Variants in INTS3 observed in about 807,000 individuals in gnomAD.
INTS3 encodes the protein SOSS complex subunit A.
In INTS3, 34 loss-of-function variants were observed where a neutral mutation model predicts 146.3. That is an observed-to-expected ratio of 0.23 (90% CI 0.18 to 0.31). The LOEUF is 0.31. Ranked by LOEUF, INTS3 falls within the 10% of genes least tolerant of loss-of-function variation. The pLI is 1.00. For missense variants in INTS3, 757 were observed against 1,304.2 expected (o/e 0.58, Z 6.46); for synonymous variants, 475 against 494.9 (o/e 0.96, Z 0.53).
At chr1:153,742,144 T>C (rs1034472831) in intron 3 of INTS3, among the ~76,000 whole-genome samples, 4 of 152,182 alleles carry the variant, frequency 2.6e-5, no homozygotes, top group African/African-American at 9.7e-5. Context: ...TTTATGGGCA[T>C]GGGAAACTGA....
chr1:153,769,112 G>A, intron 22 of INTS3, 151 bp downstream of exon 22: 1 of 660,604 alleles, frequency 1.5e-6, no homozygotes, highest in Admixed American at 2.7e-5. Flanking sequence ...TTCAGCCATG[G>A]GGCCTGGGAA....
At chr1:153,763,956 G>T in intron 17 of INTS3, 70 bp downstream of exon 17, 1 of 1,477,402 alleles carries the variant, frequency 6.8e-7, no homozygotes, top group Non-Finnish European at 9.5e-7. Flanking sequence ...TCCCAGGGAA[G>T]ACAACTCACT....
At chr1:153,759,899 C>T (rs1570870268) in intron 11 of INTS3, 1 of 516,376 alleles carries the variant, frequency 1.9e-6, no homozygotes, top group African/African-American at 1.9e-5. Flanking sequence ...CTTCTCCTCA[C>T]CTATTACTTC....
At position 153,746,964 on chromosome 1, in the gene INTS3, G is replaced by A. The variant is rs1249629900; in HGVS notation, c.326G>A (p.Arg109Gln). ...TEPAQAQKCY[R>Q]DLALVSRDGM... ...AAACTTTACTTCTCACAGTGTTACC[G>A]GGACTTAGCTCTGGTGAGTCGTGAT... The change falls in exon 4 of 30, where the codon CGG becomes CAG. Residue 109 changes from arginine to glutamine, a missense_variant. Coordinates refer to ENST00000318967, the MANE Select transcript of INTS3 (RefSeq NM_023015.5). 20 of 1,611,240 alleles carry A rather than the reference G, an allele frequency of 1.2e-5. No individual in the cohort carries two copies. Among genetic ancestry groups the A allele is most frequent in the Non-Finnish European group, 1.4e-5 (17 of 1,177,622 alleles).
In INTS3 at chr1:153,728,569, G is replaced by A; in HGVS notation, c.-66G>A. Reference sequence around the variant, plus strand: ...GCCCCCCAGTCCCTGGCAATCCAGAGATCCCGATATCTAGGACTGTCCATC... The same window carrying A: ...GCCCCCCAGTCCCTGGCAATCCAGAAATCCCGATATCTAGGACTGTCCATC... On this transcript the variant is annotated 5_prime_UTR_variant, in exon 1 of 30. Transcript: ENST00000318967. 6.6e-7 allele frequency: 1 copy of A among 1,509,248 alleles called. No homozygotes were observed. The highest frequency in any genetic ancestry group is 1.3e-5 in the South Asian group (1 of 77,932). 93.5% of individuals were successfully genotyped at this position (1,509,248 alleles called of 1,614,324 possible). A position where few individuals can be genotyped will look rare whatever the true frequency, so the allele number is the denominator to read the frequency against.
chr1:153,732,462 T>TG (rs1671106877), intron 1 of INTS3, among the ~76,000 whole-genome samples: 1 of 152,120 alleles, frequency 6.6e-6, no homozygotes, highest in African/African-American at 2.4e-5. Flanking sequence ...TTTTTTTTTT[T>TG]TAAACGGAGT....
chr1:153,754,820 G>T (rs1672100984), intron 9 of INTS3, 81 bp downstream of exon 9: 17 of 893,900 alleles, frequency 1.9e-5, no homozygotes, highest in Non-Finnish European at 3.2e-5. Context: ...TGTTACCATT[G>T]TTTACTAACC....
chr1:153,740,818 T>C (rs754815452), intron 2 of INTS3, 84 bp downstream of exon 2: 6 of 1,120,150 alleles, frequency 5.4e-6, no homozygotes, highest in African/African-American at 1.5e-5. Flanking sequence ...GACTAAGTGG[T>C]TGGGGGTAGG....
chr1:153,763,975 C>G, intron 17 of INTS3, 89 bp downstream of exon 17: 1 of 1,358,416 alleles, frequency 7.4e-7, no homozygotes, highest in Non-Finnish European at 1.1e-6. Context: ...CTTTTTCCCT[C>G]CCCTAGATGA....
chr1:153,736,016 G>A (rs896471892), intron 1 of INTS3, among the ~76,000 whole-genome samples: 1 of 152,190 alleles, frequency 6.6e-6, no homozygotes, highest in African/African-American at 2.4e-5. Flanking sequence ...ACAGGCGTGA[G>A]CCACTGTGCC....
In INTS3 at chr1:153,760,548, A is replaced by C. The variant is rs929098476; in HGVS notation, c.1317+158A>C. ...CCAAGTTAATAAATGCTTCCCTTCC[A>C]TATTCCACTGTCTGCACTTGGATCT... On this transcript the variant is annotated intron_variant, in intron 12 of 29. Coordinates refer to ENST00000318967, the MANE Select transcript of INTS3 (RefSeq NM_023015.5). The C allele has an allele frequency of 5.1e-5, 33 of 651,212 alleles. No individual in the cohort carries two copies. In the African/African-American group the frequency reaches 5.3e-4, roughly 10 times the overall value. The allele number at this position is 651,212 out of a possible 1,614,324, so 40.3% of individuals were successfully genotyped here. A position where few individuals can be genotyped will look rare whatever the true frequency, so the allele number is the denominator to read the frequency against.
At chr1:153,736,653 G>A (rs940235824) in intron 1 of INTS3, among the ~76,000 whole-genome samples, 1 of 151,396 alleles carries the variant, frequency 6.6e-6, no homozygotes, top group Non-Finnish European at 1.5e-5. Flanking sequence ...CACCATGTTG[G>A]TCAGGCTGGT....
At chr1:153,767,201 T>G (rs925307108) in intron 20 of INTS3, 1 of 154,248 alleles carries the variant, frequency 6.5e-6, no homozygotes, top group Non-Finnish European at 1.4e-5. Flanking sequence ...TTTTTTTCTT[T>G]TACCACTTGT....
chr1:153,759,500 C>T (rs759779526), intron 10 of INTS3, 26 bp from the exon 11 acceptor site: 3 of 1,519,274 alleles, frequency 2.0e-6, no homozygotes, highest in South Asian at 2.2e-5. Flanking sequence ...GAAACTAGCC[C>T]TCTGTTTCTC....
At chr1:153,760,231 TCAAAA>T (rs1672325860) in intron 11 of INTS3, 75 bp from the exon 12 acceptor site, 2 of 721,966 alleles carry the variant, frequency 2.8e-6, no homozygotes, top group South Asian at 1.8e-5. Flanking sequence ...AGACTCTGTT[TCAAAA>T]AAAAAAAAAA....
At position 153,728,794 on chromosome 1, in the gene INTS3, G is replaced by C. The variant is rs766315225; in HGVS notation, c.150+10G>C. ...GGATGAGTTAGAGGAGGTAGGTGTG[G>C]GGGGAGGGAAGGGAGTTAAGAAATT... is the stretch of plus-strand genomic sequence containing the variant. On this transcript the variant is annotated intron_variant, in intron 1 of 29. Coordinates refer to ENST00000318967, the MANE Select transcript of INTS3 (RefSeq NM_023015.5). The C allele has an allele frequency of 6.3e-6, 10 of 1,591,660 alleles. No homozygotes were observed. Among genetic ancestry groups the C allele is most frequent in the Admixed American group, 3.4e-5 (2 of 58,352 alleles).
At position 153,772,644 on chromosome 1, in the gene INTS3, A is replaced by AGCCAGACGCCAATTC. The variant is rs1453919370; in HGVS notation, c.2828_2842dup (p.Ile947_Leu948insArgGlnThrProIle). ...TCTCCCTTTTCTTCCTCTAGTTTTT[A>AGCCAGACGCCAATTC]GCCAGACGCCAATTCTCCAGGCGCT... On this transcript the variant is annotated inframe_insertion, in exon 28 of 30. Transcript: ENST00000318967. This position sits in a 1 kb window ranked among gnomAD's most constrained non-coding sequence, Gnocchi z 4.6. 1 of 1,614,144 alleles carries AGCCAGACGCCAATTC rather than the reference A, an allele frequency of 6.2e-7. No individual in the cohort carries two copies. Among genetic ancestry groups the AGCCAGACGCCAATTC allele is most frequent in the South Asian group, 1.1e-5 (1 of 91,080 alleles).
rs1672433470 is a variant in INTS3, at chr1:153,762,761, A to G, written c.1550A>G (p.Asp517Gly). 1.9e-6 allele frequency: 3 copies of G among 1,614,050 alleles called. No homozygotes were observed. The African/African-American group carries it at 4.0e-5, about 22-fold the overall frequency. The change falls in exon 15 of 30, where the codon GAC becomes GGC. Residue 517 changes from aspartate (D) to glycine (G), a missense_variant. Asp to Gly is a moderately conservative substitution (Grantham distance 94, BLOSUM62 -1). This residue lies in a region of INTS3 where 97 missense variants were observed against 113.6 expected (regional missense o/e 0.85). Transcript: ENST00000318967. ...GAGGAGCCAGTTTCCATGGAGATGG[A>G]CAACCATATGTCGGATAAGGATGAG... ...KIEEPVSMEM[D>G]NHMSDKDESC...
chr1:153,770,095 G>GCGC, intron 23 of INTS3, 103 bp from the exon 24 acceptor site: 1 of 484,736 alleles, frequency 2.1e-6, no homozygotes. Flanking sequence ...GTGTGTGTGT[G>GCGC]TGTGTGTGCT....
Sources: gnomAD v4.1 joint callset for allele counts (sites outside exome capture counted in the v4.1 genomes callset) on GRCh38, gnomAD v4.1.1 for gene constraint, gnomAD v4.1.1 regional missense constraint, Gnocchi (gnomAD v3.1) non-coding constraint, MANE v1.5 for transcripts, NCBI Gene and HGNC (gene_info 2026-07-23, HGNC 2026-07-21) for gene names.